RTN4: variants seen among roughly 807,000 people sequenced by gnomAD.
RTN4 encodes reticulon 4.
A neutral mutation model predicts 90.4 loss-of-function variants in RTN4; 32 were observed. That is an observed-to-expected ratio of 0.35 (90% CI 0.27 to 0.48). RTN4 has a LOEUF of 0.48. RTN4 is among the 20% of genes least tolerant of loss of function. The probability of loss-of-function intolerance (pLI) is 0.99; values close to 1 mark genes in which losing one functional copy is unlikely to be tolerated. For synonymous variants in RTN4, 629 were observed against 552.5 expected (o/e 1.14, Z -1.94); for missense variants, 1,706 against 1,430.2 (o/e 1.19, Z -3.11).
intron 3 of RTN4, among the ~76,000 whole-genome samples, chr2:54,998,575 T>C (rs2104734343): frequency 6.6e-6 from 1 of 152,284 alleles, no homozygotes; most frequent in East Asian, 1.9e-4. Flanking sequence ...AGGTAATTTA[T>C]AAAAAAGAAA....
rs577369070 is a variant in RTN4, at chr2:55,091,425, C to T, written c.-213-10786G>A. 3.3e-5 allele frequency among the ~76,000 whole-genome samples: 5 copies of T among 152,322 alleles called. No individual in the cohort carries two copies. The East Asian group carries it at 9.7e-4, about 29-fold the overall frequency. On this transcript the variant is annotated intron_variant, in intron 1 of 3. Coordinates refer to the RTN4 transcript ENST00000427710. The stretch of plus-strand genomic sequence containing the variant: ...TCCCTTAAATTTTCACCTGTCTGCC[C>T]CAATCCCTAAACTTCTAGCCCCTGC...
intron 8 of RTN4, 151 bp downstream of exon 8, chr2:54,973,412 A>ATGT: frequency 1.3e-6 from 1 of 780,308 alleles, no homozygotes; most frequent in Non-Finnish European, 2.1e-6. Context: ...AATGGTCCAA[A>ATGT]TGTTAGAAAA....
intron 2 of RTN4, among the ~76,000 whole-genome samples, chr2:55,066,617 C>A (rs534932470): frequency 9.2e-5 from 14 of 152,000 alleles, no homozygotes; most frequent in Non-Finnish European, 1.9e-4. Context: ...TCGCTTGAAC[C>A]CGGGAAGCGG....
At chr2:55,132,648 C>CA in the RTN4 span, among the ~76,000 whole-genome samples, 1 of 151,620 alleles carries the variant, frequency 6.6e-6, no homozygotes, top group African/African-American at 2.4e-5. Flanking sequence ...CCTGTCTCTA[C>CA]AAAAAATACA....
At chr2:55,119,153 T>C in the RTN4 span, among the ~76,000 whole-genome samples, 1 of 152,326 alleles carries the variant, frequency 6.6e-6, no homozygotes, top group South Asian at 2.1e-4. Context: ...CAGAGAATCC[T>C]TGCGGGTTTT....
At chr2:55,045,897 G>T (rs1683389672) in intron 1 of RTN4, among the ~76,000 whole-genome samples, 1 of 152,198 alleles carries the variant, frequency 6.6e-6, no homozygotes, top group Non-Finnish European at 1.5e-5. Flanking sequence ...TCTAGCCAGA[G>T]TTTTCTGCGC....
At chr2:55,123,280 G>T in the RTN4 span, among the ~76,000 whole-genome samples, 1 of 152,112 alleles carries the variant, frequency 6.6e-6, no homozygotes, top group African/African-American at 2.4e-5. Flanking sequence ...AAACATTAAA[G>T]TGTCACTCAT....
chr2:55,115,430 C>T (rs1017933077), upstream of RTN4, among the ~76,000 whole-genome samples: 5 of 152,152 alleles, frequency 3.3e-5, no homozygotes, highest in Admixed American at 6.5e-5. Context: ...TAAGAACTTC[C>T]GTGATTACAC....
upstream of RTN4, among the ~76,000 whole-genome samples, chr2:55,054,025 T>C (rs1668147239): frequency 6.6e-6 from 1 of 152,154 alleles, no homozygotes; most frequent in African/African-American, 2.4e-5. Context: ...ATTATTAGGG[T>C]GATGGATACA....
At chr2:55,084,312 T>C (rs1051941567) in intron 1 of RTN4, among the ~76,000 whole-genome samples, 6 of 151,786 alleles carry the variant, frequency 4.0e-5, no homozygotes, top group Non-Finnish European at 8.8e-5. Flanking sequence ...CCTTTTTTTT[T>C]TTTTTTTAAA....
Position 55,025,436 on chromosome 2 carries a change from T to G in RTN4, c.2663A>C (p.Glu888Ala), listed in dbSNP as rs747148638. ...KTDSFSKLAR[E>A]YTDLEVSHKS... ...GTGGGATACTTCTAGGTCAGTATAT[T>G]CCCTGGCTAATTTAGAAAATGAATC... The change falls in exon 3 of 9, where the codon GAA becomes GCA. Residue 888 changes from glutamate to alanine, a missense_variant. Coordinates refer to ENST00000337526, the MANE Select transcript of RTN4 (RefSeq NM_020532.5). 1.2e-5 allele frequency: 20 copies of G among 1,613,744 alleles called. No homozygotes were observed. Among genetic ancestry groups the G allele is most frequent in the Admixed American group, 6.7e-5 (4 of 59,926 alleles).
intron 2 of RTN4, among the ~76,000 whole-genome samples, chr2:55,074,720 A>G (rs1170314952): frequency 1.3e-5 from 2 of 152,170 alleles, no homozygotes; most frequent in African/African-American, 4.8e-5. Context: ...TATCAAGAAG[A>G]TAATCCACCA....
intron 1 of RTN4, among the ~76,000 whole-genome samples, chr2:55,094,080 A>G (rs907685276): frequency 6.6e-6 from 1 of 152,228 alleles, no homozygotes; most frequent in Non-Finnish European, 1.5e-5. Flanking sequence ...CCCAAGATTC[A>G]TATGTTAAAG....
intron 1 of RTN4, among the ~76,000 whole-genome samples, chr2:55,091,927 C>T (rs1668944636): frequency 6.6e-6 from 1 of 152,220 alleles, no homozygotes; most frequent in African/African-American, 2.4e-5. Context: ...GAGAACAGCA[C>T]AGGCAAGACT....
chr2:55,035,745 TAA>T (rs1682633300), intron 1 of RTN4, among the ~76,000 whole-genome samples: 1 of 151,590 alleles, frequency 6.6e-6, no homozygotes, highest in African/African-American at 2.4e-5. Context: ...GTATTGAAAA[TAA>T]AAGAGGGACT....
chr2:55,088,831 A>C (rs1668887265), intron 1 of RTN4, among the ~76,000 whole-genome samples: 1 of 152,234 alleles, frequency 6.6e-6, no homozygotes. Context: ...TGGGTTCATT[A>C]ATTAGGAAGG....
chr2:55,057,837 G>A (rs1341505335), intron 2 of RTN4, among the ~76,000 whole-genome samples: 1 of 152,052 alleles, frequency 6.6e-6, no homozygotes, highest in African/African-American at 2.4e-5. Context: ...TAAAAAATTA[G>A]CTGGGTGTGA....
intron 3 of RTN4, among the ~76,000 whole-genome samples, chr2:55,015,775 A>G (rs1282294206): frequency 2.6e-5 from 4 of 152,152 alleles, no homozygotes; most frequent in Non-Finnish European, 5.9e-5. Flanking sequence ...TGGACAACAG[A>G]GAGAGAGGAA....
At chr2:55,125,010 T>C in the RTN4 span, among the ~76,000 whole-genome samples, 1 of 152,184 alleles carries the variant, frequency 6.6e-6, no homozygotes, top group Non-Finnish European at 1.5e-5. Flanking sequence ...TGGCTAGCCA[T>C]ATGCGGAAGA....
Sources: allele counts gnomAD v4.1 joint callset (sites outside exome capture counted in the v4.1 genomes callset), GRCh38; gene constraint gnomAD v4.1.1; transcripts MANE v1.5; gene names NCBI Gene and HGNC (gene_info 2026-07-23, HGNC 2026-07-21).